The following DGKH variants were observed in gnomAD, a reference collection of about 807,000 sequenced individuals.
DGKH encodes the protein diacylglycerol kinase eta.
A neutral mutation model predicts 159.3 loss-of-function variants in DGKH; 90 were observed. The ratio of observed to expected loss-of-function variants is 0.57; its 90% CI spans 0.48 to 0.67. The LOEUF is 0.67. Ranked by LOEUF, DGKH falls within the 30% of genes least tolerant of loss-of-function variation. The pLI is 0.00. For synonymous variants in DGKH, 536 were observed against 553.8 expected (o/e 0.97, Z 0.45); for missense variants, 1,181 against 1,506.1 (o/e 0.78, Z 3.57).
In DGKH at chr13:42,187,175, G is replaced by T. The variant is rs200434560; in HGVS notation, c.1638+27G>T. The T allele has an allele frequency of 8.8e-6, 14 of 1,587,106 alleles. No individual in the cohort carries two copies. The East Asian group carries it at 2.2e-4, about 25-fold the overall frequency. On this transcript the variant is annotated intron_variant, in intron 14 of 29. Coordinates refer to ENST00000337343, the MANE Select transcript of DGKH (RefSeq NM_178009.5). ...TAAGAGGGGACTCTTCAGGGCATGA[G>T]AGTTGTTTATGGACAATGCTCACAT...
intron 7 of DGKH, among the ~76,000 whole-genome samples, chr13:42,164,197 A>G (rs963004927): frequency 1.3e-5 from 2 of 152,180 alleles, no homozygotes; most frequent in Non-Finnish European, 2.9e-5. Flanking sequence ...AATTTTTCCT[A>G]CTGTCATCCA....
chr13:42,159,266 T>TTTTTTTTTTTGG lies in DGKH; in HGVS notation c.623_624insTTTTTTTTTTGG (p.Val208_Cys209insPhePhePheGly). Reference sequence around the variant, plus strand: ...GCTCTTTTTTTTTTTTTTTTTTTAGTGTGTAAATTCAAGGCTCACAAAAGA... The same window carrying TTTTTTTTTTTGG: ...GCTCTTTTTTTTTTTTTTTTTTTAGTTTTTTTTTTTGGGTGTAAATTCAAGGCTCACAAAAGA... On this transcript the variant is annotated inframe_insertion and splice_region_variant, in exon 6 of 30. Coordinates refer to ENST00000337343, the MANE Select transcript of DGKH (RefSeq NM_178009.5). 7.5e-7 allele frequency: 1 copy of TTTTTTTTTTTGG among 1,332,562 alleles called. No homozygotes were observed. Among genetic ancestry groups the TTTTTTTTTTTGG allele is most frequent in the Non-Finnish European group, 1.0e-6 (1 of 961,738 alleles). The allele number at this position is 1,332,562 out of a possible 1,614,324, so 82.5% of individuals were successfully genotyped here. A position where few individuals can be genotyped will look rare whatever the true frequency, so the allele number is the denominator to read the frequency against.
intron 1 of DGKH, among the ~76,000 whole-genome samples, chr13:42,065,538 G>A (rs1428339773): frequency 6.6e-6 from 1 of 152,212 alleles, no homozygotes; most frequent in East Asian, 1.9e-4. Context: ...ATATAATGAA[G>A]GGAGAGGAGA....
At position 42,219,926 on chromosome 13, in the gene DGKH, G is replaced by A. The variant is rs550929957; in HGVS notation, c.3442+132G>A. ...CATTGTGCAGTATGATGAACATACT[G>A]TCATTGAATTCTATGCTTTAAAATG... On this transcript the variant is annotated intron_variant, in intron 28 of 29. Coordinates refer to ENST00000337343, the MANE Select transcript of DGKH (RefSeq NM_178009.5). The A allele has an allele frequency of 9.1e-5, 63 of 695,160 alleles. 2 individuals carry two copies. The Middle Eastern group carries it at 1.2e-3, about 14-fold the overall frequency. 43.1% of individuals were successfully genotyped at this position (695,160 alleles called of 1,614,324 possible).
chr13:42,063,060 GA>G (rs1882299000), intron 1 of DGKH, among the ~76,000 whole-genome samples: 1 of 152,158 alleles, frequency 6.6e-6, no homozygotes, highest in Non-Finnish European at 1.5e-5. Flanking sequence ...GTGCATTGCA[GA>G]ATATTAAAAG....
At chr13:42,250,215 C>A (rs983073610) in intron 29 of DGKH, among the ~76,000 whole-genome samples, 3 of 151,560 alleles carry the variant, frequency 2.0e-5, no homozygotes, top group Non-Finnish European at 2.9e-5. Context: ...CTGATCCACC[C>A]GCCTCGGCCT....
At chr13:42,058,706 G>A (rs1881931735) in intron 1 of DGKH, among the ~76,000 whole-genome samples, 1 of 152,208 alleles carries the variant, frequency 6.6e-6, no homozygotes, top group Non-Finnish European at 1.5e-5. Flanking sequence ...GCAGATAGAT[G>A]GAGCTATGTA....
At chr13:42,195,180 G>A (rs1957175358) in intron 17 of DGKH, among the ~76,000 whole-genome samples, 164 bp downstream of exon 17, 2 of 152,138 alleles carry the variant, frequency 1.3e-5, no homozygotes, top group Admixed American at 1.3e-4. Context: ...ATTCTTCCCT[G>A]TGTAACAGTT....
chr13:42,136,434 T>C (rs1258873655), intron 3 of DGKH, among the ~76,000 whole-genome samples: 1 of 152,244 alleles, frequency 6.6e-6, no homozygotes, highest in Non-Finnish European at 1.5e-5. Flanking sequence ...TTTAATGATA[T>C]GAAAGTCATC....
chr13:42,142,957 G>T (rs1342954418), intron 3 of DGKH, among the ~76,000 whole-genome samples: 1 of 152,056 alleles, frequency 6.6e-6, no homozygotes, highest in East Asian at 1.9e-4. Context: ...GTGAGAGAGG[G>T]CATCCCTGTC....
intron 1 of DGKH, among the ~76,000 whole-genome samples, chr13:42,062,569 A>G (rs1426597457): frequency 6.6e-6 from 1 of 152,140 alleles, no homozygotes; most frequent in Non-Finnish European, 1.5e-5. Context: ...TCCTTGGGGG[A>G]ACCAAAGAAA....
chr13:42,096,278 C>T (rs1249807106), intron 1 of DGKH, among the ~76,000 whole-genome samples: 1 of 151,814 alleles, frequency 6.6e-6, no homozygotes, highest in Non-Finnish European at 1.5e-5. Context: ...GTCTGTTGTT[C>T]CCATCTTTAT....
At chr13:42,179,513 C>G (rs1396631759) in intron 13 of DGKH, among the ~76,000 whole-genome samples, 1 of 152,146 alleles carries the variant, frequency 6.6e-6, no homozygotes, top group Non-Finnish European at 1.5e-5. Flanking sequence ...TGGCTCATGC[C>G]TGTAATTCCA....
At chr13:42,043,209 A>G (rs1337362220) in intron 1 of DGKH, among the ~76,000 whole-genome samples, 68 of 152,198 alleles carry the variant, frequency 4.5e-4, no homozygotes, top group Admixed American at 4.3e-3. Context: ...GTGTGTGTAT[A>G]TATATATGTA....
At chr13:42,222,942 G>A (rs1043838032) in intron 29 of DGKH, among the ~76,000 whole-genome samples, 3 of 152,152 alleles carry the variant, frequency 2.0e-5, no homozygotes, top group African/African-American at 7.2e-5. Context: ...AGAATAGAAA[G>A]AAGATGGTTA....
intron 3 of DGKH, among the ~76,000 whole-genome samples, chr13:42,134,265 A>C (rs1211487641): frequency 6.6e-6 from 1 of 152,170 alleles, no homozygotes; most frequent in Non-Finnish European, 1.5e-5. Context: ...TGAGTCACTA[A>C]GGCCAGCCAG....
At chr13:42,085,667 G>A (rs1290906598) in intron 1 of DGKH, among the ~76,000 whole-genome samples, 1 of 152,148 alleles carries the variant, frequency 6.6e-6, no homozygotes, top group African/African-American at 2.4e-5. Context: ...ACAAAAAAAC[G>A]AGCCAGAGTT....
chr13:42,152,665 T>TTTTTTTTTTTTTTTTTGAGACG, intron 3 of DGKH, among the ~76,000 whole-genome samples: 1 of 150,352 alleles, frequency 6.7e-6, no homozygotes, highest in African/African-American at 2.4e-5. Flanking sequence ...TCTTTATTCT[T>TTTTTTTTTTTTTTTTTGAGACG]GATGGTTTCA....
intron 1 of DGKH, among the ~76,000 whole-genome samples, chr13:42,088,925 TATACC>T (rs1566095041): frequency 6.6e-6 from 1 of 152,314 alleles, no homozygotes; most frequent in East Asian, 1.9e-4. Context: ...TGGGAAAAGA[TATACC>T]ATGCAAATGT....
Sources: allele counts gnomAD v4.1 joint callset (sites outside exome capture counted in the v4.1 genomes callset), GRCh38; gene constraint gnomAD v4.1.1; transcripts MANE v1.5; gene names NCBI Gene and HGNC (gene_info 2026-07-23, HGNC 2026-07-21).